Variants in DOCK3 observed in about 807,000 individuals in gnomAD.
DOCK3 encodes the protein dedicator of cytokinesis 3.
In DOCK3, 60 loss-of-function variants were observed where a neutral mutation model predicts 265.6. The ratio of observed to expected loss-of-function variants is 0.23; its 90% CI spans 0.18 to 0.28. DOCK3 has a LOEUF of 0.28. Among genes scored for constraint, DOCK3 ranks in the 10% least tolerant of loss-of-function variants. DOCK3 has a pLI of 1.00. For synonymous variants in DOCK3, 881 were observed against 938.0 expected (o/e 0.94, Z 1.11); for missense variants, 1,981 against 2,594.3 (o/e 0.76, Z 5.14).
chr3:51,309,276 C>T (rs1171462145), intron 27 of DOCK3, among the ~76,000 whole-genome samples: 1 of 152,236 alleles, frequency 6.6e-6, no homozygotes, highest in Non-Finnish European at 1.5e-5. Context: ...CACGCCACTG[C>T]ACTCCAGCCT....
intron 2 of DOCK3, among the ~76,000 whole-genome samples, chr3:50,829,466 C>G (rs2044995061): frequency 6.6e-6 from 1 of 152,010 alleles, no homozygotes; most frequent in Non-Finnish European, 1.5e-5. Flanking sequence ...TACTGTAATT[C>G]ACTTCTTTCT....
chr3:51,036,493 G>T (rs1233430202), intron 5 of DOCK3, among the ~76,000 whole-genome samples: 1 of 152,034 alleles, frequency 6.6e-6, no homozygotes, highest in Non-Finnish European at 1.5e-5. Flanking sequence ...TTTATCTTAT[G>T]ATGTAAGTCT....
At chr3:50,706,359 C>T (rs2036412310) in intron 1 of DOCK3, among the ~76,000 whole-genome samples, 2 of 152,176 alleles carry the variant, frequency 1.3e-5, no homozygotes, top group Admixed American at 1.3e-4. Flanking sequence ...GATAGCTTTG[C>T]TGAATATAGT....
At chr3:50,737,455 A>G (rs1163552822) in intron 1 of DOCK3, among the ~76,000 whole-genome samples, 2 of 151,982 alleles carry the variant, frequency 1.3e-5, no homozygotes, top group African/African-American at 4.8e-5. Flanking sequence ...TGATTCAATC[A>G]CCTCCCACCA....
intron 3 of DOCK3, among the ~76,000 whole-genome samples, chr3:50,866,306 G>A (rs1390210685): frequency 1.3e-5 from 2 of 152,016 alleles, no homozygotes; most frequent in Non-Finnish European, 2.9e-5. Flanking sequence ...CCAACATGGT[G>A]AAATCCCGTC....
intron 5 of DOCK3, among the ~76,000 whole-genome samples, chr3:50,991,551 T>C (rs902649815): frequency 6.6e-6 from 1 of 152,212 alleles, no homozygotes; most frequent in Non-Finnish European, 1.5e-5. Context: ...ATCTTAAATA[T>C]ATATGCACCC....
chr3:51,195,290 A>G (rs890141243), intron 12 of DOCK3, among the ~76,000 whole-genome samples: 1 of 152,050 alleles, frequency 6.6e-6, no homozygotes, highest in African/African-American at 2.4e-5. Context: ...ACTTTTTTAT[A>G]TAATTTGGTT....
rs544135940 is a variant in DOCK3 at position 50,843,242 on chromosome 3, G to A, written c.162+1527G>A. ...TGGGTAGCCAGTTATTCTGGGATGT[G>A]TGAGGTTACCTGTGGCAACAGTCAG... On this transcript the variant is annotated intron_variant, in intron 3 of 52. Coordinates refer to ENST00000266037, the MANE Select transcript of DOCK3 (RefSeq NM_004947.5). 4.0e-4 allele frequency among the ~76,000 whole-genome samples: 61 copies of A among 152,282 alleles called. 1 individual carries two copies. The highest frequency in any genetic ancestry group is 1.0e-3 in the Admixed American group (16 of 15,302).
intron 2 of DOCK3, chr3:50,787,227 A>G: frequency 1.7e-6 from 1 of 574,232 alleles, no homozygotes; most frequent in East Asian, 3.4e-5. Context: ...AGTAATATTC[A>G]TTTGCTTCTC....
chr3:50,806,474 A>G (rs2043424763), intron 2 of DOCK3, among the ~76,000 whole-genome samples: 1 of 151,244 alleles, frequency 6.6e-6, no homozygotes, highest in Non-Finnish European at 1.5e-5. Context: ...CACTGGCCCC[A>G]GGGAATATTG....
At chr3:50,699,419 A>AT (rs1475010832) in intron 1 of DOCK3, among the ~76,000 whole-genome samples, 2 of 146,502 alleles carry the variant, frequency 1.4e-5, no homozygotes, top group South Asian at 2.2e-4. Context: ...TTTCAGATGG[A>AT]TTTTTTCTAT....
intron 3 of DOCK3, among the ~76,000 whole-genome samples, chr3:50,863,743 A>G (rs2047020743): frequency 6.6e-6 from 1 of 152,224 alleles, no homozygotes; most frequent in African/African-American, 2.4e-5. Flanking sequence ...TATTTCACTT[A>G]ACGTAATGAT....
intron 2 of DOCK3, among the ~76,000 whole-genome samples, chr3:50,788,827 C>T (rs1291075495): frequency 6.6e-6 from 1 of 152,176 alleles, no homozygotes; most frequent in Non-Finnish European, 1.5e-5. Context: ...TGTGGATGTA[C>T]GTGCAGGGAG....
chr3:51,378,009 C>T lies in DOCK3; in HGVS notation c.5501-2116C>T, dbSNP rs74893618. On this transcript the variant is annotated intron_variant, in intron 51 of 52. Coordinates refer to ENST00000266037, the MANE Select transcript of DOCK3 (RefSeq NM_004947.5). Reference sequence around the variant, plus strand: ...GGGGAAGGTACAGGGAGCCTCAACACCAAGAAGCTCATGCTGCATCTTGTA... The same window carrying T: ...GGGGAAGGTACAGGGAGCCTCAACATCAAGAAGCTCATGCTGCATCTTGTA... Among the ~76,000 whole-genome samples the T allele has an allele frequency of 7.1e-3, 1,082 of 152,304 alleles. 11 individuals carry two copies. Among genetic ancestry groups the T allele is most frequent in the African/African-American group, 0.024 (1,009 of 41,556 alleles).
Position 51,381,125 on chromosome 3 carries a change from G to A in DOCK3, c.5659G>A (p.Gly1887Ser), listed in dbSNP as rs2088600641. The change falls in exon 53 of 53, where the codon GGC becomes AGC. Residue 1887 changes from glycine to serine, a missense_variant. This residue lies in a region of DOCK3 where 1,357 missense variants were observed against 1,866.8 expected (regional missense o/e 0.73). Coordinates refer to ENST00000266037, the MANE Select transcript of DOCK3 (RefSeq NM_004947.5). This position sits in a 1 kb window ranked among gnomAD's most constrained non-coding sequence, Gnocchi z 5.6. Reference protein sequence around the residue: ...GLDGSNSTLSGSASSGVSSLS... With the variant: ...GLDGSNSTLSSSASSGVSSLS... Reference sequence around the variant, plus strand: ...GGACGGCAGCAACTCTACGCTGTCCGGCAGTGCCAGCAGCGGCGTGTCCTC... The same window carrying A: ...GGACGGCAGCAACTCTACGCTGTCCAGCAGTGCCAGCAGCGGCGTGTCCTC... 1.2e-6 allele frequency: 2 copies of A among 1,613,828 alleles called. No individual in the cohort carries two copies. Among genetic ancestry groups the A allele is most frequent in the Non-Finnish European group, 1.7e-6 (2 of 1,179,870 alleles).
intron 2 of DOCK3, among the ~76,000 whole-genome samples, chr3:50,790,829 G>A (rs2042433571): frequency 6.6e-6 from 1 of 152,022 alleles, no homozygotes; most frequent in African/African-American, 2.4e-5. Flanking sequence ...GGTGTGAGAT[G>A]GTATCTCATT....
chr3:50,722,285 A>G (rs2037523967), intron 1 of DOCK3, among the ~76,000 whole-genome samples: 1 of 152,214 alleles, frequency 6.6e-6, no homozygotes, highest in Non-Finnish European at 1.5e-5. Context: ...AATCAGAGAG[A>G]GAGAGACAAA....
intron 5 of DOCK3, among the ~76,000 whole-genome samples, chr3:50,960,417 G>A (rs746188971): frequency 2.6e-5 from 4 of 151,760 alleles, no homozygotes; most frequent in South Asian, 2.1e-4. Context: ...ATGGTATCTC[G>A]TAGTTTTTAT....
At chr3:51,369,227 G>A (rs768091522) in intron 49 of DOCK3, among the ~76,000 whole-genome samples, 6 of 152,196 alleles carry the variant, frequency 3.9e-5, no homozygotes, top group African/African-American at 7.2e-5. Context: ...TCAGATGATC[G>A]GTAATGACAA....
Sources: allele counts gnomAD v4.1 joint callset (sites outside exome capture counted in the v4.1 genomes callset), GRCh38; gene constraint gnomAD v4.1.1; regional missense constraint gnomAD v4.1.1; non-coding constraint Gnocchi (gnomAD v3.1); transcripts MANE v1.5; gene names NCBI Gene and HGNC (gene_info 2026-07-23, HGNC 2026-07-21).